Variants in KDM6A observed in about 807,000 individuals in gnomAD.
KDM6A encodes the protein lysine demethylase 6A.
KDM6A carries 11 observed loss-of-function variants against 117.6 expected under a neutral mutation model. That is an observed-to-expected ratio of 0.09 (90% CI 0.06 to 0.15). The LOEUF (loss-of-function observed/expected upper bound fraction) is 0.15. KDM6A is among the 10% of genes least tolerant of loss of function. The pLI, the probability that KDM6A is intolerant of heterozygous loss-of-function variation, is 1.00. For missense variants in KDM6A, 799 were observed against 1,077.3 expected, an observed-to-expected ratio of 0.74 and a Z score of 3.62; for synonymous variants, 384 against 396.1, an observed-to-expected ratio of 0.97 and a Z score of 0.36.
intron 4 of KDM6A, among the ~76,000 whole-genome samples, chrX:44,986,246 G>A (rs186491045): frequency 0.05 from 5,504 of 111,063 alleles, 349 homozygotes; most frequent in African/African-American, 0.17. Context: ...CTGTGGGATC[G>A]GTGGTGATAT....
chrX:44,894,217 G>C (rs2033617429), intron 2 of KDM6A, among the ~76,000 whole-genome samples: 1 of 111,673 alleles, frequency 9.0e-6, no homozygotes, highest in South Asian at 3.7e-4. Flanking sequence ...TTTGGTGTCA[G>C]GATAATACCA....
intron 27 of KDM6A, among the ~76,000 whole-genome samples, chrX:45,097,514 C>T (rs963362294): frequency 9.0e-5 from 10 of 110,842 alleles, no homozygotes; most frequent in African/African-American, 3.0e-4. Flanking sequence ...AAGTGAATAC[C>T]GTAAGTAGCC....
intron 3 of KDM6A, among the ~76,000 whole-genome samples, chrX:44,966,289 G>C (rs1017926425): frequency 2.2e-4 from 24 of 109,714 alleles, no homozygotes; most frequent in African/African-American, 8.0e-4. Context: ...CTAGAGGTGC[G>C]CGCCACCACG....
At chrX:44,924,646 T>TGG (rs757243691) in intron 2 of KDM6A, among the ~76,000 whole-genome samples, 300 of 70,624 alleles carry the variant, frequency 4.2e-3, no homozygotes, top group Non-Finnish European at 5.6e-3. Context: ...TAGGTGGTCC[T>TGG]GGGTGTGTGT....
At chrX:45,003,915 C>T (rs1266980600) in intron 4 of KDM6A, among the ~76,000 whole-genome samples, 1 of 98,428 alleles carries the variant, frequency 1.0e-5, no homozygotes, top group East Asian at 3.3e-4. Flanking sequence ...CCTCTTCCAC[C>T]CCCGCTTCTC....
chrX:45,051,134 C>T (rs954317902), intron 8 of KDM6A, among the ~76,000 whole-genome samples: 1 of 111,238 alleles, frequency 9.0e-6, no homozygotes, highest in African/African-American at 3.3e-5. Context: ...CTCAGCCTCC[C>T]GAGTAGCTGG....
chrX:45,091,453 A>G (rs2045891686), intron 27 of KDM6A, among the ~76,000 whole-genome samples: 1 of 111,499 alleles, frequency 9.0e-6, no homozygotes, highest in Non-Finnish European at 1.9e-5. Context: ...ACTATTTTCA[A>G]ATAGTGCTAT....
chrX:45,005,966 C>A (rs1206935179), intron 4 of KDM6A, among the ~76,000 whole-genome samples: 1 of 56,397 alleles, frequency 1.8e-5, no homozygotes, highest in Non-Finnish European at 3.0e-5. Context: ...CCCCCACCCC[C>A]CCACCCCCCC....
intron 2 of KDM6A, among the ~76,000 whole-genome samples, chrX:44,942,277 C>T (rs1451621154): frequency 9.0e-6 from 1 of 110,907 alleles, no homozygotes; most frequent in Non-Finnish European, 1.9e-5. Flanking sequence ...TCGTGATGCA[C>T]CCGTGTTTGC....
chrX:45,071,941 A>G (rs1365707290), intron 18 of KDM6A, among the ~76,000 whole-genome samples: 1 of 110,358 alleles, frequency 9.1e-6, no homozygotes, highest in Non-Finnish European at 1.9e-5. Context: ...CACCTGGCTA[A>G]TTTTGTATTT....
intron 15 of KDM6A, among the ~76,000 whole-genome samples, chrX:45,061,957 T>A (rs191020674): frequency 2.8e-5 from 3 of 109,082 alleles, no homozygotes; most frequent in African/African-American, 6.7e-5. Context: ...AGTATAAATA[T>A]AGGGTATATA....
rs373286393 is a variant in KDM6A at position 45,082,656 on chromosome X, T to A, written c.3365+16T>A. ...CGTCAGATAAGTAAGTCATTTTTAA[T>A]GTCCACTTAGTATTTCTTTTTAAAA... On this transcript the variant is annotated intron_variant, in intron 22 of 29. Transcript: ENST00000611820. The A allele has an allele frequency of 4.3e-6, 5 of 1,169,027 alleles. No homozygotes were observed. The highest frequency in any genetic ancestry group is 5.8e-6 in the Non-Finnish European group (5 of 858,410).
At chrX:45,101,007 G>A (rs2046321243) in intron 27 of KDM6A, among the ~76,000 whole-genome samples, 1 of 110,496 alleles carries the variant, frequency 9.1e-6, no homozygotes, top group Non-Finnish European at 1.9e-5. Flanking sequence ...TTTTAAATGT[G>A]CCATCTTATA....
chrX:45,058,737 G>A (rs979538403), intron 10 of KDM6A, among the ~76,000 whole-genome samples: 1 of 110,708 alleles, frequency 9.0e-6, no homozygotes, highest in African/African-American at 3.3e-5. Context: ...ATATTGAAGT[G>A]ATATGTCCCC....
chrX:45,097,040 T>A (rs2046138705), intron 27 of KDM6A, among the ~76,000 whole-genome samples: 1 of 111,547 alleles, frequency 9.0e-6, no homozygotes, highest in South Asian at 3.8e-4. Context: ...AAAATAAGAA[T>A]GAGATCATCT....
Position 44,946,440 on chromosome X carries a change from TC to T in KDM6A, c.226-14842del, listed in dbSNP as rs781494164. On this transcript the variant is annotated intron_variant, in intron 2 of 29. Transcript: ENST00000611820. ...AAAAACAAATTTGATTTTTAGGAGT[TC>T]CTTATATATTCTAAATATGAATCCT... Among the ~76,000 whole-genome samples, 159 of 111,966 alleles carry T rather than the reference TC, an allele frequency of 1.4e-3. 1 individual carries two copies. The highest frequency in any genetic ancestry group is 5.0e-3 in the African/African-American group (153 of 30,823).
At chrX:45,052,603 T>C (rs2043902836) in intron 9 of KDM6A, among the ~76,000 whole-genome samples, 1 of 111,835 alleles carries the variant, frequency 8.9e-6, no homozygotes, top group South Asian at 3.7e-4. Context: ...TATAGACAAC[T>C]TGAGTAAAAT....
rs765545282 is a variant in KDM6A at position 45,063,612 on chromosome X, C to T, written c.1874C>T (p.Ser625Phe). Residue 625 changes from serine (S) to phenylalanine (F), a missense_variant, in exon 17 of 30, where the codon TCT becomes TTT. Physicochemically the swap from Ser to Phe is radical, Grantham distance 155 (BLOSUM62 -2). Coordinates refer to ENST00000611820, the MANE Select transcript of KDM6A (RefSeq NM_001291415.2). ...PGQPLANGPF[S>F]AGHVPCSTSR... ...CAGCCTTTGGCCAATGGACCCTTTT[C>T]TGCAGGCCATGTTCCCTGTAGCACA... 8.9e-5 allele frequency: 108 copies of T among 1,209,365 alleles called. 1 individual carries two copies. In the South Asian group the frequency reaches 1.9e-3, roughly 21 times the overall value.
intron 8 of KDM6A, among the ~76,000 whole-genome samples, chrX:45,040,303 G>A (rs2043024701): frequency 2.0e-5 from 2 of 98,205 alleles, no homozygotes; most frequent in African/African-American, 3.8e-5. Context: ...CGGACGGGGC[G>A]GCTGGCCGGG....
Sources: allele counts gnomAD v4.1 joint callset (sites outside exome capture counted in the v4.1 genomes callset), GRCh38; gene constraint gnomAD v4.1.1; transcripts MANE v1.5; gene names NCBI Gene and HGNC (gene_info 2026-07-23, HGNC 2026-07-21).